CD38: variants seen among roughly 807,000 people sequenced by gnomAD.
The protein encoded by CD38 is ADP-ribosyl cyclase/cyclic ADP-ribose hydrolase 1.
In CD38, 31 loss-of-function variants were observed where a neutral mutation model predicts 36.3. The observed-to-expected ratio is 0.85, with a 90% CI of 0.64 to 1.15. The LOEUF (loss-of-function observed/expected upper bound fraction) is 1.15. Among genes scored for constraint, CD38 ranks in the 50% most tolerant of loss-of-function variants. The pLI is 0.00. For missense variants in CD38, 380 were observed against 371.9 expected, an observed-to-expected ratio of 1.02 and a Z score of -0.18; for synonymous variants, 131 against 135.2, an observed-to-expected ratio of 0.97 and a Z score of 0.22.
At chr4:15,835,899 A>G (rs950252878) in intron 4 of CD38, among the ~76,000 whole-genome samples, 3 of 152,158 alleles carry the variant, frequency 2.0e-5, no homozygotes, top group African/African-American at 4.8e-5. Context: ...CTACCTGTGT[A>G]TATTTATTTA....
intron 2 of CD38, among the ~76,000 whole-genome samples, chr4:15,817,881 T>C (rs1723635518): frequency 6.6e-6 from 1 of 152,030 alleles, no homozygotes; most frequent in South Asian, 2.1e-4. Context: ...TTTCCTCGTG[T>C]GTCTACACCA....
At chr4:15,848,166 G>A (rs551419819) in intron 7 of CD38, among the ~76,000 whole-genome samples, 1 of 152,310 alleles carries the variant, frequency 6.6e-6, no homozygotes, top group African/African-American at 2.4e-5. Flanking sequence ...TCATTCACCT[G>A]TTAGGTACTT....
chr4:15,808,984 G>A (rs1723405780), intron 1 of CD38, among the ~76,000 whole-genome samples: 1 of 152,194 alleles, frequency 6.6e-6, no homozygotes, highest in South Asian at 2.1e-4. Flanking sequence ...AGGACAAGAT[G>A]CAAATTCTGG....
At chr4:15,789,841 G>T (rs7666953) in intron 1 of CD38, among the ~76,000 whole-genome samples, 65,155 of 151,930 alleles carry the variant, frequency 0.43, 16,107 homozygotes, top group African/African-American at 0.69. Context: ...TAAGCAAGAA[G>T]GCTGTCACCA....
intron 1 of CD38, among the ~76,000 whole-genome samples, chr4:15,800,341 A>G (rs1331026128): frequency 6.6e-6 from 1 of 152,166 alleles, no homozygotes; most frequent in Non-Finnish European, 1.5e-5. Flanking sequence ...GCAGAGCCAT[A>G]TGGTACATAA....
intron 3 of CD38, among the ~76,000 whole-genome samples, chr4:15,828,392 A>G (rs1001892927): frequency 6.6e-6 from 1 of 152,210 alleles, no homozygotes. Flanking sequence ...GCACACTATT[A>G]TTAACTACAA....
At chr4:15,841,546 C>CAGATATCTGACCAGTCTAA (rs1560321454) in intron 7 of CD38, among the ~76,000 whole-genome samples, 2 of 151,382 alleles carry the variant, frequency 1.3e-5, no homozygotes, top group African/African-American at 4.9e-5. Context: ...AGCAATCTTG[C>CAGATATCTGACCAGTCTAA]GGCGGAGGAG....
At chr4:15,812,468 C>T (rs1180512265) in intron 1 of CD38, among the ~76,000 whole-genome samples, 1 of 152,048 alleles carries the variant, frequency 6.6e-6, no homozygotes, top group Non-Finnish European at 1.5e-5. Context: ...GAGGCCGAGG[C>T]GGGTGGATCA....
rs1241572943 is a variant in CD38 at position 15,842,249 on chromosome 4, A to G, written c.839+1711A>G. ...GACTGCCTCTTCAAGTGGGTCCCTG[A>G]CCCCTGACCCCCGAGCAGCCTAACT... On this transcript the variant is annotated intron_variant, in intron 7 of 7. Transcript: ENST00000226279. 9.4e-5 allele frequency among the ~76,000 whole-genome samples: 12 copies of G among 127,866 alleles called. 1 individual carries two copies. In the East Asian group the frequency reaches 1.2e-3, roughly 13 times the overall value. The allele number at this position is 127,866 out of a possible 152,430, so 83.9% of individuals were successfully genotyped here.
At chr4:15,825,780 C>T (rs939348603) in intron 3 of CD38, 3 of 152,184 alleles carry the variant, frequency 2.0e-5, no homozygotes, top group African/African-American at 7.2e-5. Flanking sequence ...GGGACCTAGA[C>T]CAAGGTTCTT....
intron 2 of CD38, among the ~76,000 whole-genome samples, chr4:15,822,999 A>C (rs950082546): frequency 3.3e-5 from 5 of 152,128 alleles, no homozygotes; most frequent in African/African-American, 1.2e-4. Context: ...GACCAATAGA[A>C]CAGAGTAGAG....
chr4:15,822,340 CGGGACA>C (rs1723755681), intron 2 of CD38, among the ~76,000 whole-genome samples: 1 of 152,014 alleles, frequency 6.6e-6, no homozygotes, highest in East Asian at 1.9e-4. Context: ...ATGTTCTGAC[CGGGACA>C]ATCAGGCAAG....
In CD38 at chr4:15,849,046, C is replaced by T. The variant is rs1034460093; in HGVS notation, c.*444C>T. ...TGCATGATGTATTTTTGTACCCTTC[C>T]TACAGATAGTCAAACCATAAACTTC... On this transcript the variant is annotated 3_prime_UTR_variant, in exon 8 of 8. Transcript: ENST00000226279. 6.4e-6 allele frequency: 1 copy of T among 155,232 alleles called. No homozygotes were observed. The highest frequency in any genetic ancestry group is 2.0e-4 in the South Asian group (1 of 5,114). 9.6% of individuals were successfully genotyped at this position (155,232 alleles called of 1,614,324 possible). A position where few individuals can be genotyped will look rare whatever the true frequency, so the allele number is the denominator to read the frequency against.
Position 15,848,766 on chromosome 4 carries a change from TATATC to T in CD38, c.*167_*171del. On this transcript the variant is annotated 3_prime_UTR_variant, in exon 8 of 8. Transcript: ENST00000226279. Reference sequence around the variant, plus strand: ...TTTTCCCCAAAGTCTTAAAATAACTTATATCATCAGCATACCTTTATTGTGATCTA... The same window carrying T: ...TTTTCCCCAAAGTCTTAAAATAACTTATCAGCATACCTTTATTGTGATCTA... The T allele has an allele frequency of 1.9e-6, 1 of 538,432 alleles. No homozygotes were observed. Among genetic ancestry groups the T allele is most frequent in the Non-Finnish European group, 3.4e-6 (1 of 296,388 alleles). The allele number at this position is 538,432 out of a possible 1,614,324, so 33.4% of individuals were successfully genotyped here.
At chr4:15,814,134 C>T (rs901518128) in intron 1 of CD38, among the ~76,000 whole-genome samples, 5 of 152,136 alleles carry the variant, frequency 3.3e-5, no homozygotes, top group African/African-American at 9.7e-5. Context: ...TTTTAATGAT[C>T]GTCATTCTAA....
In CD38 at chr4:15,824,961, G is replaced by C; in HGVS notation, c.444G>C (p.Thr148=). Residue 148 remains threonine (T), a synonymous_variant, in exon 3 of 8, where the codon ACG becomes ACC. Coordinates refer to ENST00000226279, the MANE Select transcript of CD38 (RefSeq NM_001775.4). ...VQRDMFTLED[T]LLGYLADDLT... is the part of the protein sequence containing the mutation. ...GGGACATGTTCACCCTGGAGGACACGCTGCTAGGCTACCTTGCTGATGACC... is the reference window on the plus strand; with the variant it reads ...GGGACATGTTCACCCTGGAGGACACCCTGCTAGGCTACCTTGCTGATGACC... 5 of 1,613,892 alleles carry C rather than the reference G, an allele frequency of 3.1e-6. No individual in the cohort carries two copies. The highest frequency in any genetic ancestry group is 4.2e-6 in the Non-Finnish European group (5 of 1,179,892).
At position 15,852,330 on chromosome 4, in the gene CD38, C is replaced by T. The variant is rs1321734745; in HGVS notation, c.*3728C>T. The T allele has an allele frequency of 6.6e-6, 1 of 152,252 alleles. No individual in the cohort carries two copies. The highest frequency in any genetic ancestry group is 1.9e-4 in the East Asian group (1 of 5,200). The allele number at this position is 152,252 out of a possible 1,614,324, so 9.4% of individuals were successfully genotyped here. On this transcript the variant is annotated 3_prime_UTR_variant, in exon 8 of 8. Coordinates refer to ENST00000226279, the MANE Select transcript of CD38 (RefSeq NM_001775.4). ...AAGAAGCTCAACCCATGTCTGCACA[C>T]TGTGATACAAGGGGGACAGCATCGA...
At chr4:15,836,262 A>C (rs937742002) in intron 4 of CD38, among the ~76,000 whole-genome samples, 2 of 152,100 alleles carry the variant, frequency 1.3e-5, no homozygotes, top group African/African-American at 4.8e-5. Context: ...TCTGCTTCCA[A>C]AATGGTGCCT....
chr4:15,828,715 G>A (rs748723020), intron 3 of CD38, among the ~76,000 whole-genome samples: 12 of 151,988 alleles, frequency 7.9e-5, no homozygotes, highest in Non-Finnish European at 1.3e-4. Flanking sequence ...TTATCCATTC[G>A]TCTATTGATG....
Sources: gnomAD v4.1 joint callset for allele counts (sites outside exome capture counted in the v4.1 genomes callset) on GRCh38, gnomAD v4.1.1 for gene constraint, MANE v1.5 for transcripts, NCBI Gene and HGNC (gene_info 2026-07-23, HGNC 2026-07-21) for gene names.